ISM1: variants seen among roughly 807,000 people sequenced by gnomAD.
ISM1 encodes isthmin-1.
ISM1 carries 25 observed loss-of-function variants against 46.3 expected under a neutral mutation model. The observed-to-expected ratio is 0.54, with a 90% CI of 0.39 to 0.75. The LOEUF is 0.75. Ranked by LOEUF, ISM1 falls within the 30% of genes least tolerant of loss-of-function variation. ISM1 has a pLI of 0.00. For synonymous variants in ISM1, 255 were observed against 256.7 expected, an observed-to-expected ratio of 0.99 and a Z score of 0.06; for missense variants, 536 against 625.4, an observed-to-expected ratio of 0.86 and a Z score of 1.52.
chr20:13,321,222 G>A, the ISM1 span, among the ~76,000 whole-genome samples: 1 of 115,710 alleles, frequency 8.6e-6, no homozygotes. Flanking sequence ...AAAAGAGATC[G>A]TCTTTATCTA....
chr20:13,307,499 A>C, the ISM1 span, among the ~76,000 whole-genome samples: 3 of 152,184 alleles, frequency 2.0e-5, no homozygotes, highest in African/African-American at 7.2e-5. Context: ...TGAAGTGTAC[A>C]CTTTTTAAAA....
At chr20:13,280,339 GA>G (rs2040224928) in intron 3 of ISM1, among the ~76,000 whole-genome samples, 1 of 149,758 alleles carries the variant, frequency 6.7e-6, no homozygotes, top group African/African-American at 2.5e-5. Context: ...ACTGGCAGTG[GA>G]GTGGTCCTTG....
intron 2 of ISM1, among the ~76,000 whole-genome samples, chr20:13,273,499 A>G (rs2040139690): frequency 6.6e-6 from 1 of 152,054 alleles, no homozygotes; most frequent in Non-Finnish European, 1.5e-5. Context: ...GCCTCTCAAA[A>G]TGCGGGGATT....
In ISM1 at chr20:13,221,877, A is replaced by C. The variant is rs2039453392; in HGVS notation, c.101A>C (p.Asp34Ala). 1 of 1,412,732 alleles carries C rather than the reference A, an allele frequency of 7.1e-7. No individual in the cohort carries two copies. 87.5% of individuals were successfully genotyped at this position (1,412,732 alleles called of 1,614,324 possible). ...LRGSGAADGP[D>A]AAAGNASQAQ... ...GGCTCGGGAGCCGCCGACGGGCCCG[A>C]CGCGGCCGCGGGCAACGCCAGCCAA... The change falls in exon 1 of 6, where the codon GAC becomes GCC. Residue 34 changes from aspartate to alanine, a missense_variant. Physicochemically the swap from Asp to Ala is moderately radical, Grantham distance 126. This residue lies in a region of ISM1 where 367 missense variants were observed against 376.1 expected (regional missense o/e 0.98). Coordinates refer to ENST00000262487, the MANE Select transcript of ISM1 (RefSeq NM_080826.2).
intron 1 of ISM1, among the ~76,000 whole-genome samples, chr20:13,248,624 A>C (rs2039829390): frequency 6.6e-6 from 1 of 152,154 alleles, no homozygotes. Flanking sequence ...GCTGGGGTGA[A>C]ATGTGCTCAG....
chr20:13,222,596 C>T (rs1023375400), intron 1 of ISM1, among the ~76,000 whole-genome samples: 3 of 152,108 alleles, frequency 2.0e-5, no homozygotes, highest in Non-Finnish European at 2.9e-5. Flanking sequence ...AAACTTGTAG[C>T]AAAGTCTTTC....
At chr20:13,227,734 T>C (rs1209264443) in intron 1 of ISM1, among the ~76,000 whole-genome samples, 1 of 151,698 alleles carries the variant, frequency 6.6e-6, no homozygotes, top group African/African-American at 2.4e-5. Context: ...GGTCTCGATC[T>C]CCTGACCTCA....
the ISM1 span, among the ~76,000 whole-genome samples, chr20:13,319,268 A>G: frequency 1.3e-5 from 2 of 152,182 alleles, no homozygotes; most frequent in African/African-American, 4.8e-5. Context: ...GGCAAGGCCA[A>G]CTAGACTATG....
chr20:13,293,180 C>A (rs575242711), intron 5 of ISM1, among the ~76,000 whole-genome samples: 46 of 150,248 alleles, frequency 3.1e-4, no homozygotes, highest in Admixed American at 1.3e-3. Context: ...AGCACTCCAG[C>A]CTGGGTGACA....
chr20:13,317,320 T>G, the ISM1 span, among the ~76,000 whole-genome samples: 1 of 152,008 alleles, frequency 6.6e-6, no homozygotes, highest in African/African-American at 2.4e-5. Flanking sequence ...AATTGAGAGA[T>G]ACTCCATGTT....
intron 1 of ISM1, among the ~76,000 whole-genome samples, chr20:13,250,675 G>A (rs1400538783): frequency 1.3e-5 from 2 of 152,210 alleles, no homozygotes; most frequent in African/African-American, 4.8e-5. Flanking sequence ...TGGATTGTAA[G>A]CTCCATGAGG....
chr20:13,243,685 A>C (rs2123171412), intron 1 of ISM1, among the ~76,000 whole-genome samples: 1 of 152,258 alleles, frequency 6.6e-6, no homozygotes, highest in South Asian at 2.1e-4. Context: ...TAATGCCAAA[A>C]CCTAGGGAAG....
chr20:13,319,297 C>A, the ISM1 span, among the ~76,000 whole-genome samples: 9 of 152,132 alleles, frequency 5.9e-5, no homozygotes, highest in Non-Finnish European at 1.0e-4. Context: ...CTGGCTCCTG[C>A]TGCATGAACT....
chr20:13,270,354 C>A, intron 1 of ISM1, 150 bp from the exon 2 acceptor site: 1 of 812,584 alleles, frequency 1.2e-6, no homozygotes, highest in Non-Finnish European at 1.9e-6. Context: ...GAAACTAAAC[C>A]ATGGGTTTGC....
chr20:13,313,483 T>C, the ISM1 span, among the ~76,000 whole-genome samples: 1 of 152,178 alleles, frequency 6.6e-6, no homozygotes, highest in Non-Finnish European at 1.5e-5. Context: ...TGCACCTCAC[T>C]TCCATTTTCT....
downstream of ISM1, among the ~76,000 whole-genome samples, chr20:13,305,505 C>A (rs1011252486): frequency 6.6e-5 from 10 of 152,292 alleles, no homozygotes; most frequent in Non-Finnish European, 1.5e-4. Context: ...GTTTGTCATT[C>A]ATTTACAATT....
chr20:13,297,701 A>G lies in ISM1; in HGVS notation c.878-1241A>G, dbSNP rs76468666. Among the ~76,000 whole-genome samples the G allele has an allele frequency of 2.7e-4, 41 of 152,366 alleles. No individual in the cohort carries two copies. The East Asian group carries it at 7.9e-3, about 29-fold the overall frequency. On this transcript the variant is annotated intron_variant, in intron 5 of 5. Coordinates refer to ENST00000262487, the MANE Select transcript of ISM1 (RefSeq NM_080826.2). ...TGTTCCCATGGGAGAATGCAGGATC[A>G]GCATAATTCGATCTTTTGGTTTTTC...
chr20:13,313,023 T>C, the ISM1 span, among the ~76,000 whole-genome samples: 1 of 152,206 alleles, frequency 6.6e-6, no homozygotes, highest in Non-Finnish European at 1.5e-5. Flanking sequence ...TTCCAAATTC[T>C]AGCAGGTCCC....
rs114215205 is a variant in ISM1, at chr20:13,277,341, T to C, written c.379-2293T>C. ...TGATTTCATTACCATAATTGTGGGC[T>C]TGCCTGGCTCTTGGCAGCCTCTCCC... On this transcript the variant is annotated intron_variant, in intron 2 of 5. Coordinates refer to ENST00000262487, the MANE Select transcript of ISM1 (RefSeq NM_080826.2). 2.7e-3 allele frequency among the ~76,000 whole-genome samples: 418 copies of C among 152,322 alleles called. 4 individuals carry two copies. The highest frequency in any genetic ancestry group is 9.7e-3 in the African/African-American group (402 of 41,568).
Sources: gnomAD v4.1 joint callset for allele counts (sites outside exome capture counted in the v4.1 genomes callset) on GRCh38, gnomAD v4.1.1 for gene constraint, gnomAD v4.1.1 regional missense constraint, MANE v1.5 for transcripts, NCBI Gene and HGNC (gene_info 2026-07-23, HGNC 2026-07-21) for gene names.